Variants in SYCP1 observed in about 807,000 individuals in gnomAD.
SYCP1 encodes cancer/testis antigen 8.
SYCP1 carries 64 observed loss-of-function variants against 153.1 expected under a neutral mutation model. That is an observed-to-expected ratio of 0.42 (90% CI 0.34 to 0.51). SYCP1 has a LOEUF of 0.51. SYCP1 is among the 20% of genes least tolerant of loss of function. The pLI is 0.06. For missense variants in SYCP1, 997 were observed against 1,049.0 expected, an observed-to-expected ratio of 0.95 and a Z score of 0.68; for synonymous variants, 384 against 341.8, an observed-to-expected ratio of 1.12 and a Z score of -1.36.
chr1:114,991,904 C>T (rs1010967829), intron 30 of SYCP1, among the ~76,000 whole-genome samples: 1 of 151,626 alleles, frequency 6.6e-6, no homozygotes, highest in African/African-American at 2.4e-5. Flanking sequence ...TAGAAAATTG[C>T]GAAGACTCTT....
chr1:114,918,760 A>G (rs747642220), intron 20 of SYCP1, among the ~76,000 whole-genome samples: 3 of 151,902 alleles, frequency 2.0e-5, no homozygotes, highest in East Asian at 3.9e-4. Flanking sequence ...GCTATTGTAA[A>G]TGGGAGTACT....
intron 8 of SYCP1, among the ~76,000 whole-genome samples, chr1:114,861,844 A>G (rs1230173324): frequency 1.8e-4 from 27 of 148,734 alleles, no homozygotes; most frequent in African/African-American, 6.0e-4. Flanking sequence ...TTGTTGCCCA[A>G]CCTGGAGTGT....
At chr1:114,856,394 ATTTT>A (rs958051519) in intron 2 of SYCP1, among the ~76,000 whole-genome samples, 175 bp from the exon 3 acceptor site, 1 of 152,112 alleles carries the variant, frequency 6.6e-6, no homozygotes, top group Non-Finnish European at 1.5e-5. Context: ...TCTAATTAGA[ATTTT>A]TTCTTTGTTT....
intron 30 of SYCP1, 26 bp from the exon 31 acceptor site, chr1:114,994,672 A>G (rs749847835): frequency 4.6e-6 from 7 of 1,510,952 alleles, no homozygotes; most frequent in Non-Finnish European, 5.3e-6. Flanking sequence ...TAAACCCAAC[A>G]TCATATTTTT....
intron 27 of SYCP1, among the ~76,000 whole-genome samples, chr1:114,975,945 T>C (rs913545407): frequency 6.6e-6 from 1 of 151,710 alleles, no homozygotes; most frequent in Non-Finnish European, 1.5e-5. Flanking sequence ...TCTTAGAATC[T>C]AAAAAAATGA....
At chr1:114,890,600 A>G (rs1349370484) in intron 15 of SYCP1, among the ~76,000 whole-genome samples, 7 of 152,132 alleles carry the variant, frequency 4.6e-5, no homozygotes, top group African/African-American at 1.7e-4. Flanking sequence ...GTAGACTTTA[A>G]GGCTTTGGAT....
rs1265490503 is a variant in SYCP1, at chr1:114,981,381, T to G, written c.2428T>G (p.Leu810Val). Residue 810 changes from leucine to valine, a missense_variant, in exon 29 of 32, where the codon TTG becomes GTG. Physicochemically the swap from Leu to Val is conservative, Grantham distance 32. Transcript: ENST00000369522. ...LLETPEIYWK[L>V]DSKAVPSQTV... Reference sequence around the variant, plus strand: ...GGAAACACCTGAAATTTATTGGAAATTGGATTCTAAAGCAGTTCCTTCACA... The same window carrying G: ...GGAAACACCTGAAATTTATTGGAAAGTGGATTCTAAAGCAGTTCCTTCACA... 6.2e-7 allele frequency: 1 copy of G among 1,603,560 alleles called. No homozygotes were observed. The highest frequency in any genetic ancestry group is 2.2e-5 in the East Asian group (1 of 44,560).
At chr1:114,945,877 C>T in intron 25 of SYCP1, among the ~76,000 whole-genome samples, 1 of 152,060 alleles carries the variant, frequency 6.6e-6, no homozygotes, top group Non-Finnish European at 1.5e-5. Flanking sequence ...GTGTGCTGCA[C>T]CCATTAACTC....
At chr1:114,914,316 T>C (rs1310999592) in intron 20 of SYCP1, among the ~76,000 whole-genome samples, 1 of 151,872 alleles carries the variant, frequency 6.6e-6, no homozygotes, top group African/African-American at 2.4e-5. Flanking sequence ...GAAAATATAT[T>C]AATCACATTT....
chr1:114,861,989 G>A (rs1047018398), intron 8 of SYCP1, among the ~76,000 whole-genome samples: 2 of 151,410 alleles, frequency 1.3e-5, no homozygotes, highest in Admixed American at 1.3e-4. Flanking sequence ...TTAGTAGAAA[G>A]GGGGTTTCAC....
chr1:114,931,247 C>T (rs1280863134), intron 23 of SYCP1, among the ~76,000 whole-genome samples: 2 of 151,960 alleles, frequency 1.3e-5, no homozygotes, highest in African/African-American at 4.8e-5. Context: ...GTACTGGAGG[C>T]TCTGGCAACA....
intron 23 of SYCP1, among the ~76,000 whole-genome samples, chr1:114,930,155 A>G (rs1213948656): frequency 1.3e-5 from 2 of 152,032 alleles, no homozygotes; most frequent in Non-Finnish European, 2.9e-5. Context: ...GATGAGATAG[A>G]CATAAAACAT....
chr1:114,948,237 T>C (rs1319891579), intron 27 of SYCP1, among the ~76,000 whole-genome samples: 2 of 152,200 alleles, frequency 1.3e-5, no homozygotes. Flanking sequence ...ATACTATTTT[T>C]TTTGGTTTCT....
chr1:114,928,231 T>C (rs360589), intron 23 of SYCP1, among the ~76,000 whole-genome samples: 28,300 of 152,116 alleles, frequency 0.19, 3,145 homozygotes, highest in East Asian at 0.45. Flanking sequence ...CAAAACCATA[T>C]GTAGGCAGTC....
intron 16 of SYCP1, among the ~76,000 whole-genome samples, chr1:114,907,035 T>C (rs1259299159): frequency 6.6e-6 from 1 of 152,214 alleles, no homozygotes; most frequent in African/African-American, 2.4e-5. Context: ...TATATCTAAC[T>C]ACCATATCTT....
chr1:114,962,408 T>G (rs1344316809), intron 27 of SYCP1, among the ~76,000 whole-genome samples: 3 of 152,228 alleles, frequency 2.0e-5, no homozygotes, highest in Non-Finnish European at 4.4e-5. Flanking sequence ...TATCATTATG[T>G]AATGTCTCTT....
chr1:114,965,546 T>C (rs1239229795), intron 27 of SYCP1, among the ~76,000 whole-genome samples: 2 of 152,202 alleles, frequency 1.3e-5, no homozygotes, highest in African/African-American at 4.8e-5. Context: ...ATACCTAGTT[T>C]ATTGAGTGTT....
At chr1:114,876,241 C>A (rs1203117939) in intron 10 of SYCP1, 103 bp downstream of exon 10, 2 of 623,084 alleles carry the variant, frequency 3.2e-6, no homozygotes, top group South Asian at 5.8e-5. Context: ...ATGCTCTGAA[C>A]TATTTTCTAT....
intron 28 of SYCP1, among the ~76,000 whole-genome samples, chr1:114,979,747 G>T (rs1498228): frequency 2.0e-5 from 3 of 151,688 alleles, no homozygotes; most frequent in African/African-American, 4.8e-5. Context: ...CTAGAATTAC[G>T]CAGGAAAGAT....
Sources: allele counts gnomAD v4.1 joint callset (sites outside exome capture counted in the v4.1 genomes callset), GRCh38; gene constraint gnomAD v4.1.1; transcripts MANE v1.5; gene names NCBI Gene and HGNC (gene_info 2026-07-23, HGNC 2026-07-21).